Variants in PTGES3 observed in about 807,000 individuals in gnomAD.
PTGES3 encodes prostaglandin E synthase 3, also known as Hsp90 co-chaperone.
In PTGES3, 5 loss-of-function variants were observed where a neutral mutation model predicts 29.9. That is an observed-to-expected ratio of 0.17 (90% CI 0.09 to 0.35). PTGES3 has a LOEUF of 0.35. Among genes scored for constraint, PTGES3 ranks in the 10% least tolerant of loss-of-function variants. The probability of loss-of-function intolerance (pLI) is 1.00; values close to 1 mark genes in which losing one functional copy is unlikely to be tolerated. For synonymous variants in PTGES3, 49 were observed against 57.8 expected, an observed-to-expected ratio of 0.85 and a Z score of 0.69; for missense variants, 128 against 190.0, an observed-to-expected ratio of 0.67 and a Z score of 1.92.
intron 1 of PTGES3, among the ~76,000 whole-genome samples, chr12:56,673,487 A>G (rs1446204654): frequency 7.1e-5 from 8 of 112,850 alleles, no homozygotes; most frequent in African/African-American, 4.5e-4. Flanking sequence ...CAAATACGGA[A>G]AAAAAAAAAA....
intron 1 of PTGES3, among the ~76,000 whole-genome samples, chr12:56,680,036 T>TTA (rs545861293): frequency 2.4e-3 from 368 of 152,032 alleles, no homozygotes; most frequent in African/African-American, 8.6e-3. Context: ...CAAAAGGAGA[T>TTA]TTCATAAACG....
At chr12:56,671,527 T>C (rs1189421581) in intron 4 of PTGES3, among the ~76,000 whole-genome samples, 1 of 152,218 alleles carries the variant, frequency 6.6e-6, no homozygotes, top group Non-Finnish European at 1.5e-5. Flanking sequence ...GAGTAATTTA[T>C]GCAAAGTCTG....
intron 1 of PTGES3, among the ~76,000 whole-genome samples, chr12:56,673,665 C>T (rs1341338806): frequency 1.3e-5 from 2 of 151,340 alleles, no homozygotes; most frequent in Admixed American, 6.6e-5. Context: ...CAGTGGCAGG[C>T]GCCTGTAATC....
At chr12:56,665,017 G>A (rs1472233960) in intron 6 of PTGES3, 1 of 985,242 alleles carries the variant, frequency 1.0e-6, no homozygotes. Flanking sequence ...AATGATGTGT[G>A]CCTTTTGGTG....
At chr12:56,684,637 A>G (rs887662418) in intron 1 of PTGES3, among the ~76,000 whole-genome samples, 2 of 152,192 alleles carry the variant, frequency 1.3e-5, no homozygotes, top group African/African-American at 4.8e-5. Flanking sequence ...ACATCTCTAA[A>G]ATAAATAAAA....
In PTGES3 at chr12:56,665,100, A is replaced by G. The variant is rs1355671617; in HGVS notation, c.439-300T>C. 4 of 985,222 alleles carry G rather than the reference A, an allele frequency of 4.1e-6. No individual in the cohort carries two copies. In the African/African-American group the frequency reaches 5.2e-5, roughly 13 times the overall value. 61.0% of individuals were successfully genotyped at this position (985,222 alleles called of 1,614,324 possible). A position where few individuals can be genotyped will look rare whatever the true frequency, so the allele number is the denominator to read the frequency against. On this transcript the variant is annotated intron_variant, in intron 6 of 7. Coordinates refer to ENST00000262033, the MANE Select transcript of PTGES3 (RefSeq NM_006601.7). The stretch of plus-strand genomic sequence containing the variant: ...GCATTCAAAGAGAAAACATGGATCA[A>G]TATGAAGAAAAATGGACTGATAGAA...
At chr12:56,682,135 C>T (rs1161390762) in intron 1 of PTGES3, among the ~76,000 whole-genome samples, 2 of 152,120 alleles carry the variant, frequency 1.3e-5, no homozygotes, top group Non-Finnish European at 2.9e-5. Context: ...GTGTGAGCCA[C>T]CGTGCCCAGC....
intron 6 of PTGES3, chr12:56,665,250 G>A (rs1951740949): frequency 1.1e-6 from 1 of 903,614 alleles, no homozygotes. Flanking sequence ...AAGTAGTTTA[G>A]TGTATCTTCC....
intron 5 of PTGES3, among the ~76,000 whole-genome samples, chr12:56,669,185 A>C (rs1459207983): frequency 6.7e-6 from 1 of 149,328 alleles, no homozygotes; most frequent in Non-Finnish European, 1.5e-5. Context: ...ATTTTTTTGT[A>C]GTTTTATTTA....
intron 1 of PTGES3, among the ~76,000 whole-genome samples, chr12:56,685,037 G>T (rs1952757778): frequency 6.6e-6 from 1 of 152,068 alleles, no homozygotes; most frequent in East Asian, 1.9e-4. Flanking sequence ...AAGGAGGATC[G>T]CTTGAGCCCG....
intron 1 of PTGES3, among the ~76,000 whole-genome samples, chr12:56,675,056 C>G (rs1478002835): frequency 6.8e-6 from 1 of 147,952 alleles, no homozygotes; most frequent in African/African-American, 2.5e-5. Flanking sequence ...AATCCCAGCA[C>G]TTTGGGAGGC....
At chr12:56,682,894 T>A (rs960951203) in intron 1 of PTGES3, among the ~76,000 whole-genome samples, 9 of 151,530 alleles carry the variant, frequency 5.9e-5, no homozygotes, top group African/African-American at 2.2e-4. Flanking sequence ...CTTGGGAGTC[T>A]GAGAGAGGAG....
intron 1 of PTGES3, among the ~76,000 whole-genome samples, chr12:56,685,911 G>A (rs2137744200): frequency 6.6e-6 from 1 of 151,006 alleles, no homozygotes; most frequent in Non-Finnish European, 1.5e-5. Context: ...GGAGTAGCTG[G>A]GACTACAGGC....
chr12:56,680,903 T>C (rs138820441), intron 1 of PTGES3, among the ~76,000 whole-genome samples: 15 of 151,942 alleles, frequency 9.9e-5, no homozygotes, highest in Admixed American at 5.9e-4. Flanking sequence ...TCAGTCTCCA[T>C]GGTGGATGGA....
intron 1 of PTGES3, among the ~76,000 whole-genome samples, chr12:56,680,881 G>T (rs1468811435): frequency 6.6e-6 from 1 of 151,514 alleles, no homozygotes; most frequent in Non-Finnish European, 1.5e-5. Context: ...AGGCTCAGGT[G>T]ATCCTCCCAC....
chr12:56,672,707 T>A, intron 3 of PTGES3, 33 bp downstream of exon 3: 1 of 1,513,354 alleles, frequency 6.6e-7, no homozygotes, highest in Non-Finnish European at 8.9e-7. Context: ...TCCTCACAAC[T>A]AAAATTTGGA....
chr12:56,685,421 A>C (rs1190879769), intron 1 of PTGES3, among the ~76,000 whole-genome samples: 1 of 118,850 alleles, frequency 8.4e-6, no homozygotes, highest in Admixed American at 8.6e-5. Flanking sequence ...TTTTTTTTTT[A>C]AGACAGTCTC....
chr12:56,673,484 GGAAAAAA>G (rs1223335982), intron 1 of PTGES3, among the ~76,000 whole-genome samples: 2 of 36,848 alleles, frequency 5.4e-5, no homozygotes, highest in Non-Finnish European at 6.6e-5. Flanking sequence ...ATACAAATAC[GGAAAAAA>G]AAAAAAAAAA....
intron 5 of PTGES3, among the ~76,000 whole-genome samples, chr12:56,668,496 T>C (rs970315094): frequency 6.6e-6 from 1 of 152,180 alleles, no homozygotes; most frequent in South Asian, 2.1e-4. Flanking sequence ...CCCAGCACTT[T>C]GGGAAGCTGA....
Sources: allele counts gnomAD v4.1 joint callset (sites outside exome capture counted in the v4.1 genomes callset), GRCh38; gene constraint gnomAD v4.1.1; transcripts MANE v1.5; gene names NCBI Gene and HGNC (gene_info 2026-07-23, HGNC 2026-07-21).